Variants in MGAT5 observed in about 807,000 individuals in gnomAD.
MGAT5 encodes alpha-1,6-mannosylglycoprotein 6-beta-N-acetylglucosaminyltransferase.
MGAT5 carries 30 observed loss-of-function variants against 94.3 expected under a neutral mutation model. The observed-to-expected ratio is 0.32, with a 90% CI of 0.24 to 0.43. The LOEUF is 0.43. MGAT5 is among the 20% of genes least tolerant of loss of function. MGAT5 has a pLI of 1.00. For missense variants in MGAT5, 691 were observed against 905.5 expected, an observed-to-expected ratio of 0.76 and a Z score of 3.04; for synonymous variants, 310 against 322.9, an observed-to-expected ratio of 0.96 and a Z score of 0.43.
intron 2 of MGAT5, among the ~76,000 whole-genome samples, chr2:134,275,512 C>T (rs972903010): frequency 2.6e-5 from 4 of 151,442 alleles, no homozygotes; most frequent in Admixed American, 2.6e-4. Flanking sequence ...GGCGATTTTG[C>T]CCCCAGGGGA....
intron 1 of MGAT5, among the ~76,000 whole-genome samples, chr2:134,224,067 T>C (rs1680928209): frequency 6.6e-6 from 1 of 152,246 alleles, no homozygotes; most frequent in African/African-American, 2.4e-5. Context: ...TAAAACAAGA[T>C]GTTTGTTTAA....
chr2:134,194,087 G>A (rs1186578047), intron 1 of MGAT5, among the ~76,000 whole-genome samples: 2 of 152,218 alleles, frequency 1.3e-5, no homozygotes, highest in African/African-American at 2.4e-5. Flanking sequence ...AACTCTGCCA[G>A]TGGCAATTTG....
intron 1 of MGAT5, among the ~76,000 whole-genome samples, chr2:134,267,590 A>C (rs1671573942): frequency 6.6e-6 from 1 of 152,336 alleles, no homozygotes; most frequent in East Asian, 1.9e-4. Flanking sequence ...AGTTGTATTT[A>C]CTGGTCACTG....
intron 4 of MGAT5, among the ~76,000 whole-genome samples, chr2:134,331,582 A>G (rs1687977347): frequency 6.6e-6 from 1 of 152,038 alleles, no homozygotes; most frequent in African/African-American, 2.4e-5. Context: ...GGTCTTTCCC[A>G]GGCCATAAAA....
chr2:134,403,543 C>T (rs1463974344), intron 11 of MGAT5, among the ~76,000 whole-genome samples: 1 of 152,208 alleles, frequency 6.6e-6, no homozygotes, highest in African/African-American at 2.4e-5. Flanking sequence ...ACCAGCTTTT[C>T]CTCATACCTC....
intron 1 of MGAT5, among the ~76,000 whole-genome samples, chr2:134,127,504 C>T (rs116462690): frequency 6.3e-4 from 79 of 125,092 alleles, no homozygotes; most frequent in African/African-American, 2.0e-3. Flanking sequence ...TTCCCCCCCC[C>T]CCAGGCTTGT....
chr2:134,120,134 T>TCGGCGGCGGCCCTGCGGCTCCCG (rs1332102121), upstream of MGAT5: 5 of 153,340 alleles, frequency 3.3e-5, no homozygotes, highest in Non-Finnish European at 7.2e-5. Flanking sequence ...CGCGGCCCGC[T>TCGGCGGCGGCCCTGCGGCTCCCG]CGGCGGCGGC....
At chr2:134,122,612 AG>A (rs1396127277) in intron 1 of MGAT5, among the ~76,000 whole-genome samples, 1 of 152,214 alleles carries the variant, frequency 6.6e-6, no homozygotes, top group Non-Finnish European at 1.5e-5. Context: ...GAAGAGGAGA[AG>A]GAAGTTGCTC....
At chr2:134,409,333 G>A (rs565752913) in intron 11 of MGAT5, among the ~76,000 whole-genome samples, 149 of 152,230 alleles carry the variant, frequency 9.8e-4, no homozygotes, top group Middle Eastern at 3.4e-3. Context: ...CTTGTTACCC[G>A]GACTAAGGTC....
chr2:134,379,678 T>C (rs1681417876), intron 10 of MGAT5, among the ~76,000 whole-genome samples: 1 of 152,196 alleles, frequency 6.6e-6, no homozygotes, highest in Non-Finnish European at 1.5e-5. Context: ...GGTCTTACAT[T>C]TGTATCCCTG....
intron 10 of MGAT5, among the ~76,000 whole-genome samples, chr2:134,376,466 A>G (rs187105675): frequency 2.5e-3 from 376 of 152,278 alleles, no homozygotes; most frequent in African/African-American, 8.7e-3. Context: ...TTTACTTCGA[A>G]GGAGTTGGCA....
intron 1 of MGAT5, among the ~76,000 whole-genome samples, chr2:134,133,507 C>A (rs1686269857): frequency 6.6e-6 from 1 of 152,076 alleles, no homozygotes; most frequent in African/African-American, 2.4e-5. Flanking sequence ...AGAATGGAAT[C>A]AAAATAAATG....
chr2:134,369,384 G>A (rs1461218838), intron 10 of MGAT5, among the ~76,000 whole-genome samples: 1 of 152,180 alleles, frequency 6.6e-6, no homozygotes, highest in Non-Finnish European at 1.5e-5. Flanking sequence ...GGAGATGGAT[G>A]GGAACAAGAT....
intron 6 of MGAT5, among the ~76,000 whole-genome samples, chr2:134,340,072 G>GT (rs1349417978): frequency 6.6e-6 from 1 of 152,126 alleles, no homozygotes; most frequent in African/African-American, 2.4e-5. Context: ...GATTGGTGAT[G>GT]TTATGTAAAA....
intron 4 of MGAT5, among the ~76,000 whole-genome samples, chr2:134,327,537 C>G (rs560489209): frequency 1.3e-5 from 2 of 152,236 alleles, no homozygotes; most frequent in African/African-American, 2.4e-5. Flanking sequence ...ATCCCCTGGA[C>G]AAAGGAGCTG....
At chr2:134,444,831 A>C (rs1574116676) in intron 15 of MGAT5, among the ~76,000 whole-genome samples, 1 of 152,208 alleles carries the variant, frequency 6.6e-6, no homozygotes, top group African/African-American at 2.4e-5. Context: ...GTTCTTGTGC[A>C]TGCAGGGTGC....
intron 1 of MGAT5, among the ~76,000 whole-genome samples, chr2:134,152,028 C>A (rs1687223579): frequency 7.1e-6 from 1 of 141,384 alleles, no homozygotes; most frequent in South Asian, 2.4e-4. Flanking sequence ...CTGGTTACTG[C>A]CGTGGGACCT....
intron 1 of MGAT5, among the ~76,000 whole-genome samples, chr2:134,248,896 C>G (rs915421262): frequency 6.6e-6 from 1 of 152,150 alleles, no homozygotes; most frequent in Admixed American, 6.5e-5. Flanking sequence ...TGGTCTCGTT[C>G]TCACTCCATT....
chr2:134,316,921 T>C (rs902101786), intron 2 of MGAT5, among the ~76,000 whole-genome samples: 1 of 152,176 alleles, frequency 6.6e-6, no homozygotes, highest in Non-Finnish European at 1.5e-5. Context: ...AGGAGTTTAT[T>C]GTGAGGAAGT....
Sources: gnomAD v4.1 joint callset for allele counts (sites outside exome capture counted in the v4.1 genomes callset) on GRCh38, gnomAD v4.1.1 for gene constraint, MANE v1.5 for transcripts, NCBI Gene and HGNC (gene_info 2026-07-23, HGNC 2026-07-21) for gene names.